FHIT: variants seen among roughly 807,000 people sequenced by gnomAD.
FHIT encodes the protein bis(5'-adenosyl)-triphosphatase.
In FHIT, 19 loss-of-function variants were observed where a neutral mutation model predicts 17.9. The observed-to-expected ratio is 1.06, with a 90% CI of 0.74 to 1.56. FHIT has a LOEUF of 1.56. Ranked by LOEUF, FHIT falls within the 40% of genes most tolerant of loss-of-function variation. The pLI, the probability that FHIT is intolerant of heterozygous loss-of-function variation, is 0.00. For missense variants in FHIT, 248 were observed against 189.2 expected (o/e 1.31, Z -1.82); for synonymous variants, 81 against 69.7 (o/e 1.16, Z -0.81).
At position 60,502,104 on chromosome 3, in the gene FHIT, GGC is replaced by G. The variant is rs1341611823; in HGVS notation, c.103+34754_103+34755del. Reference sequence around the variant, plus strand: ...TGCCTTCTTTGGATCCAGTAGAGGAGGCAGGAAGTACAAAAAGTGATAGTAGT... The same window carrying G: ...TGCCTTCTTTGGATCCAGTAGAGGAGAGGAAGTACAAAAAGTGATAGTAGT... On this transcript the variant is annotated intron_variant, in intron 5 of 9. Coordinates refer to ENST00000492590, the MANE Select transcript of FHIT (RefSeq NM_002012.4). Among the ~76,000 whole-genome samples the G allele has an allele frequency of 1.1e-4, 17 of 152,264 alleles. No individual in the cohort carries two copies. The East Asian group carries it at 3.3e-3, about 29-fold the overall frequency.
intron 5 of FHIT, among the ~76,000 whole-genome samples, chr3:60,481,071 T>C (rs1428569482): frequency 6.6e-6 from 1 of 152,158 alleles, no homozygotes; most frequent in African/African-American, 2.4e-5. Context: ...GGCATTTCCA[T>C]ACATCCTTTT....
At chr3:59,995,952 G>A (rs1190395923) in intron 7 of FHIT, among the ~76,000 whole-genome samples, 1 of 151,968 alleles carries the variant, frequency 6.6e-6, no homozygotes, top group Non-Finnish European at 1.5e-5. Flanking sequence ...TTCACACAGG[G>A]GTGAGGCCAA....
intron 5 of FHIT, among the ~76,000 whole-genome samples, chr3:60,452,936 G>T (rs1429027901): frequency 1.3e-5 from 2 of 152,136 alleles, no homozygotes; most frequent in African/African-American, 2.4e-5. Context: ...TCCAAATTAT[G>T]AAAAATGGAA....
At chr3:60,226,640 T>G (rs560249318) in intron 5 of FHIT, among the ~76,000 whole-genome samples, 1 of 151,918 alleles carries the variant, frequency 6.6e-6, no homozygotes, top group African/African-American at 2.4e-5. Context: ...AAAGGAAGCA[T>G]GGAGGGAAAA....
At chr3:59,778,998 A>G (rs1702454045) in intron 8 of FHIT, among the ~76,000 whole-genome samples, 1 of 152,166 alleles carries the variant, frequency 6.6e-6, no homozygotes, top group Non-Finnish European at 1.5e-5. Context: ...TGCCTATACC[A>G]GATGGTGGAC....
intron 5 of FHIT, among the ~76,000 whole-genome samples, chr3:60,186,531 G>T (rs962373330): frequency 6.6e-6 from 1 of 152,156 alleles, no homozygotes; most frequent in Non-Finnish European, 1.5e-5. Flanking sequence ...GACAGTGGCA[G>T]GGCAATGTCA....
At chr3:60,326,764 G>A (rs1299988532) in intron 5 of FHIT, among the ~76,000 whole-genome samples, 1 of 152,172 alleles carries the variant, frequency 6.6e-6, no homozygotes, top group Admixed American at 6.5e-5. Context: ...GCTGACTAAA[G>A]GATGAAGCTG....
At chr3:60,983,187 T>C (rs914018024) in intron 3 of FHIT, among the ~76,000 whole-genome samples, 10 of 151,936 alleles carry the variant, frequency 6.6e-5, no homozygotes, top group Non-Finnish European at 1.2e-4. Context: ...TACTAAGATG[T>C]TGGCTTAGCC....
intron 5 of FHIT, among the ~76,000 whole-genome samples, chr3:60,127,356 G>C (rs974842537): frequency 6.6e-6 from 1 of 152,126 alleles, no homozygotes; most frequent in African/African-American, 2.4e-5. Context: ...TTACAATTAA[G>C]TGATAATCTT....
At chr3:60,348,990 C>A (rs1269094338) in intron 5 of FHIT, among the ~76,000 whole-genome samples, 2 of 152,154 alleles carry the variant, frequency 1.3e-5, no homozygotes, top group African/African-American at 2.4e-5. Context: ...GTGACCCCAG[C>A]TGATTGTAGG....
intron 2 of FHIT, among the ~76,000 whole-genome samples, chr3:61,139,981 T>C (rs1320356043): frequency 6.8e-6 from 1 of 146,546 alleles, no homozygotes; most frequent in African/African-American, 2.5e-5. Flanking sequence ...TCATCATCTA[T>C]GAGGATAACG....
At chr3:61,235,705 A>C (rs993833049) in intron 1 of FHIT, among the ~76,000 whole-genome samples, 3 of 152,116 alleles carry the variant, frequency 2.0e-5, no homozygotes, top group Non-Finnish European at 4.4e-5. Context: ...CTGTCTCAAA[A>C]AAAAAAGAAC....
Position 60,963,902 on chromosome 3 carries a change from C to A in FHIT, c.-111+78145G>T, listed in dbSNP as rs545025482. Among the ~76,000 whole-genome samples the A allele has an allele frequency of 6.1e-4, 93 of 152,174 alleles. 1 individual carries two copies. The highest frequency in any genetic ancestry group is 2.1e-3 in the African/African-American group (87 of 41,514). On this transcript the variant is annotated intron_variant, in intron 3 of 9. Transcript: ENST00000492590. ...CGATGTGGTGCTGAGAAGAATGTAT[C>A]TTCTGTTGATTTGGGGTGGAGAGTT...
intron 8 of FHIT, among the ~76,000 whole-genome samples, chr3:59,821,755 TA>T (rs915084587): frequency 9.2e-5 from 14 of 151,974 alleles, no homozygotes; most frequent in South Asian, 2.1e-4. Flanking sequence ...AGTTTTTTTT[TA>T]AAAAAAATAT....
At chr3:60,192,993 C>T (rs187390849) in intron 5 of FHIT, among the ~76,000 whole-genome samples, 25 of 152,276 alleles carry the variant, frequency 1.6e-4, no homozygotes, top group Admixed American at 1.4e-3. Context: ...TTCTAAATGA[C>T]ACTGGGGTAA....
At chr3:60,644,070 T>C (rs541416664) in intron 4 of FHIT, among the ~76,000 whole-genome samples, 1 of 152,286 alleles carries the variant, frequency 6.6e-6, no homozygotes, top group South Asian at 2.1e-4. Flanking sequence ...GGGAAATGTG[T>C]TTCCCTCACA....
chr3:60,116,546 A>G (rs1212687537), intron 5 of FHIT, among the ~76,000 whole-genome samples: 1 of 152,178 alleles, frequency 6.6e-6, no homozygotes, highest in East Asian at 1.9e-4. Flanking sequence ...TTTACAGCCC[A>G]TCATGAACAA....
chr3:60,393,968 T>A (rs1397192651), intron 5 of FHIT, among the ~76,000 whole-genome samples: 1 of 152,020 alleles, frequency 6.6e-6, no homozygotes, highest in Non-Finnish European at 1.5e-5. Context: ...CAGGAAGATG[T>A]CTAAAGAAAG....
At chr3:60,681,494 A>G (rs1160911250) in intron 4 of FHIT, among the ~76,000 whole-genome samples, 1 of 152,202 alleles carries the variant, frequency 6.6e-6, no homozygotes, top group East Asian at 1.9e-4. Context: ...CTGTAGATCA[A>G]AAATTAGAAA....
Sources: gnomAD v4.1 joint callset for allele counts (sites outside exome capture counted in the v4.1 genomes callset) on GRCh38, gnomAD v4.1.1 for gene constraint, MANE v1.5 for transcripts, NCBI Gene and HGNC (gene_info 2026-07-23, HGNC 2026-07-21) for gene names.